SLC25A21: variants seen among roughly 807,000 people sequenced by gnomAD.
SLC25A21 encodes the protein mitochondrial 2-oxodicarboxylate carrier.
SLC25A21 carries 47 observed loss-of-function variants against 43.8 expected under a neutral mutation model. The observed-to-expected ratio is 1.07, with a 90% CI of 0.85 to 1.37. The LOEUF (loss-of-function observed/expected upper bound fraction) is 1.37. Ranked by LOEUF, SLC25A21 falls within the 40% of genes most tolerant of loss-of-function variation. The probability of loss-of-function intolerance (pLI) is 0.00; values close to 1 mark genes in which losing one functional copy is unlikely to be tolerated. For missense variants in SLC25A21, 352 were observed against 350.2 expected, an observed-to-expected ratio of 1.00 and a Z score of -0.04; for synonymous variants, 131 against 121.3, an observed-to-expected ratio of 1.08 and a Z score of -0.52.
At chr14:36,705,807 A>G (rs1218802690) in intron 7 of SLC25A21, among the ~76,000 whole-genome samples, 1 of 152,198 alleles carries the variant, frequency 6.6e-6, no homozygotes, top group East Asian at 1.9e-4. Flanking sequence ...GAACAACAGA[A>G]TGACCAATTG....
intron 1 of SLC25A21, among the ~76,000 whole-genome samples, chr14:37,076,235 A>G (rs1181574829): frequency 6.6e-6 from 1 of 151,956 alleles, no homozygotes; most frequent in Admixed American, 6.6e-5. Flanking sequence ...ATCTCAGCTC[A>G]CTGCAACCTC....
At chr14:36,720,790 T>C (rs1304384971) in intron 6 of SLC25A21, among the ~76,000 whole-genome samples, 1 of 152,254 alleles carries the variant, frequency 6.6e-6, no homozygotes, top group Non-Finnish European at 1.5e-5. Context: ...TAAGTGCTAG[T>C]TATTTACAGT....
At chr14:36,924,168 A>G (rs1046046926) in intron 1 of SLC25A21, among the ~76,000 whole-genome samples, 3 of 152,142 alleles carry the variant, frequency 2.0e-5, no homozygotes, top group African/African-American at 7.2e-5. Context: ...CAGCCATCCC[A>G]TTACTGGGTA....
chr14:36,839,638 G>C (rs1216501077), intron 2 of SLC25A21, among the ~76,000 whole-genome samples: 1 of 152,184 alleles, frequency 6.6e-6, no homozygotes, highest in African/African-American at 2.4e-5. Context: ...GTGTATCTTG[G>C]AGATCAAGGC....
intron 1 of SLC25A21, among the ~76,000 whole-genome samples, chr14:37,039,708 A>G (rs1408514189): frequency 6.6e-6 from 1 of 152,222 alleles, no homozygotes; most frequent in Non-Finnish European, 1.5e-5. Context: ...TACAGTCACT[A>G]AAGGCTATGT....
chr14:36,762,746 T>C (rs1886209462), intron 3 of SLC25A21, among the ~76,000 whole-genome samples: 1 of 152,202 alleles, frequency 6.6e-6, no homozygotes, highest in Non-Finnish European at 1.5e-5. Flanking sequence ...TGATATGTTA[T>C]GCCCATCTCC....
At chr14:36,808,223 A>G (rs1441991392) in intron 3 of SLC25A21, among the ~76,000 whole-genome samples, 1 of 152,222 alleles carries the variant, frequency 6.6e-6, no homozygotes, top group Non-Finnish European at 1.5e-5. Flanking sequence ...TGCCTTGAGC[A>G]AACCAATGCC....
At chr14:36,742,493 A>T (rs1885313499) in intron 3 of SLC25A21, among the ~76,000 whole-genome samples, 2 of 152,172 alleles carry the variant, frequency 1.3e-5, no homozygotes, top group South Asian at 4.1e-4. Flanking sequence ...CAAATGAAAG[A>T]GTGGGGTTTC....
At chr14:37,053,050 A>T in intron 1 of SLC25A21, among the ~76,000 whole-genome samples, 1 of 152,258 alleles carries the variant, frequency 6.6e-6, no homozygotes, top group East Asian at 1.9e-4. Context: ...ACTGCAAATC[A>T]ATATATCTGT....
chr14:37,060,451 T>A (rs1037164814), intron 1 of SLC25A21, among the ~76,000 whole-genome samples: 1 of 150,144 alleles, frequency 6.7e-6, no homozygotes, highest in African/African-American at 2.4e-5. Flanking sequence ...AAGTAGGGCA[T>A]GGTGGAAACT....
chr14:36,733,587 T>C (rs989694773), intron 4 of SLC25A21, among the ~76,000 whole-genome samples: 1 of 152,224 alleles, frequency 6.6e-6, no homozygotes, highest in African/African-American at 2.4e-5. Context: ...TTGAACTTAC[T>C]GAGTAAAAGT....
At chr14:36,764,091 G>A (rs80287491) in intron 3 of SLC25A21, among the ~76,000 whole-genome samples, 378 of 25,110 alleles carry the variant, frequency 0.015, 11 homozygotes, top group East Asian at 0.071. Context: ...AAGGAAGGAA[G>A]GAAGGAAGGA....
At chr14:37,064,802 A>G (rs1238470968) in intron 1 of SLC25A21, among the ~76,000 whole-genome samples, 1 of 152,196 alleles carries the variant, frequency 6.6e-6, no homozygotes, top group Non-Finnish European at 1.5e-5. Flanking sequence ...ATTATTAGAC[A>G]CCTATGAGAC....
At chr14:36,899,044 A>G (rs919987282) in intron 1 of SLC25A21, among the ~76,000 whole-genome samples, 4 of 152,182 alleles carry the variant, frequency 2.6e-5, no homozygotes, top group Non-Finnish European at 5.9e-5. Flanking sequence ...ACTAATTTAC[A>G]AAACATCATG....
chr14:37,063,816 C>A (rs1414565861), intron 1 of SLC25A21, among the ~76,000 whole-genome samples: 2 of 152,114 alleles, frequency 1.3e-5, no homozygotes, highest in Admixed American at 6.6e-5. Flanking sequence ...AGGAGCAGCC[C>A]ATGTGTTGCT....
At chr14:37,170,141 T>C (rs1475730282) in intron 1 of SLC25A21, among the ~76,000 whole-genome samples, 1 of 152,008 alleles carries the variant, frequency 6.6e-6, no homozygotes, top group African/African-American at 2.4e-5. Flanking sequence ...GTTCAAGCGA[T>C]TCTCCTGCCT....
intron 1 of SLC25A21, among the ~76,000 whole-genome samples, chr14:37,096,436 T>C (rs1040776880): frequency 3.3e-5 from 5 of 152,224 alleles, no homozygotes; most frequent in African/African-American, 1.2e-4. Context: ...TCTGTTATTA[T>C]TTCTTTGAAT....
intron 3 of SLC25A21, among the ~76,000 whole-genome samples, chr14:36,743,329 C>A (rs1885352112): frequency 6.6e-6 from 1 of 151,938 alleles, no homozygotes; most frequent in African/African-American, 2.4e-5. Context: ...TCAGTGACAG[C>A]AGATCACTTT....
At chr14:36,798,598 T>C (rs1464714552) in intron 3 of SLC25A21, among the ~76,000 whole-genome samples, 1 of 151,626 alleles carries the variant, frequency 6.6e-6, no homozygotes, top group Non-Finnish European at 1.5e-5. Context: ...AACAGAGGAC[T>C]GTGTACACAT....
Sources: allele counts gnomAD v4.1 joint callset (sites outside exome capture counted in the v4.1 genomes callset), GRCh38; gene constraint gnomAD v4.1.1; transcripts MANE v1.5; gene names NCBI Gene and HGNC (gene_info 2026-07-23, HGNC 2026-07-21).